MPDZ: variants seen among roughly 807,000 people sequenced by gnomAD.
MPDZ encodes the protein multiple PDZ domain protein.
Under a neutral mutation model 239.1 loss-of-function variants are expected in MPDZ, and 234 were observed. The ratio of observed to expected loss-of-function variants is 0.98; its 90% confidence interval spans 0.88 to 1.09. The LOEUF (loss-of-function observed/expected upper bound fraction) is 1.09. MPDZ is among the 50% of genes least tolerant of loss of function. MPDZ has a pLI of 0.00. For missense variants in MPDZ, 3,175 were observed against 2,510.0 expected, an observed-to-expected ratio of 1.26 and a Z score of -5.66; for synonymous variants, 1,048 against 881.3, an observed-to-expected ratio of 1.19 and a Z score of -3.35.
chr9:13,206,040 A>C lies in MPDZ; in HGVS notation c.1350T>G (p.His450Gln). The C allele has an allele frequency of 1.2e-6, 2 of 1,612,490 alleles. No homozygotes were observed. The highest frequency in any genetic ancestry group is 2.7e-5 in the African/African-American group (2 of 74,684). Residue 450 changes from histidine to glutamine, a missense_variant, in exon 11 of 47, where the codon CAT becomes CAG. Physicochemically the swap from His to Gln is conservative, Grantham distance 24 (BLOSUM62 0). Coordinates refer to ENST00000319217, the MANE Select transcript of MPDZ (RefSeq NM_001378778.1). ...TNQQAVEVLRHTGQTVLLTLM... is the reference protein window; with the variant it reads ...TNQQAVEVLRQTGQTVLLTLM... ...GTGTCAGGAGCACAGTTTGTCCTGT[A>C]TGTCGCAATACCTCTACTGCTTGCT...
Position 13,221,354 on chromosome 9 carries a change from T to C in MPDZ, c.876+18A>G. Reference sequence around the variant, plus strand: ...TTATTTGATAAAATAGCATAAAAGATCTATTGATGTAGCCTACCTGATCAG... The same window carrying C: ...TTATTTGATAAAATAGCATAAAAGACCTATTGATGTAGCCTACCTGATCAG... On this transcript the variant is annotated intron_variant, in intron 7 of 46. Transcript: ENST00000319217. 6.3e-7 allele frequency: 1 copy of C among 1,583,004 alleles called. No individual in the cohort carries two copies. The highest frequency in any genetic ancestry group is 8.6e-7 in the Non-Finnish European group (1 of 1,165,244).
At chr9:13,207,712 T>G (rs915345970) in intron 10 of MPDZ, among the ~76,000 whole-genome samples, 1 of 152,224 alleles carries the variant, frequency 6.6e-6, no homozygotes, top group South Asian at 2.1e-4. Context: ...ATTATGCAGT[T>G]TATGACTATA....
chr9:13,163,484 T>C (rs1256746218), intron 22 of MPDZ, among the ~76,000 whole-genome samples: 2 of 152,194 alleles, frequency 1.3e-5, no homozygotes, highest in Admixed American at 6.6e-5. Flanking sequence ...ATGCCTATTA[T>C]GCGGAAGACA....
intron 24 of MPDZ, among the ~76,000 whole-genome samples, chr9:13,151,959 C>CT (rs766698488): frequency 1.3e-5 from 2 of 151,988 alleles, no homozygotes; most frequent in East Asian, 3.9e-4. Context: ...TAATGTATTT[C>CT]TGAAAATGAT....
intron 1 of MPDZ, among the ~76,000 whole-genome samples, chr9:13,267,398 T>C (rs1447879850): frequency 6.6e-6 from 1 of 152,138 alleles, no homozygotes; most frequent in Non-Finnish European, 1.5e-5. Flanking sequence ...ACAAGAAAAT[T>C]GAGGTTCAGA....
In MPDZ at chr9:13,136,262, T is replaced by TA. The variant is rs1232162346; in HGVS notation, c.4293-81dup. 3.4e-6 allele frequency: 3 copies of TA among 876,626 alleles called. No individual in the cohort carries two copies. The Admixed American group carries it at 8.4e-5, about 25-fold the overall frequency. 54.3% of individuals were successfully genotyped at this position (876,626 alleles called of 1,614,324 possible). A position where few individuals can be genotyped will look rare whatever the true frequency, so the allele number is the denominator to read the frequency against. On this transcript the variant is annotated intron_variant, in intron 30 of 46. Transcript: ENST00000319217. ...CTTACTTCAAGAGTCAGAAGGTTAT[T>TA]AGAGAAAATTATTTAACCCCCAAAA...
intron 38 of MPDZ, chr9:13,120,786 A>C (rs1171412493): frequency 6.6e-6 from 1 of 152,204 alleles, no homozygotes; most frequent in East Asian, 1.9e-4. Flanking sequence ...TGAAATAAAG[A>C]TCACCATTTC....
At chr9:13,268,122 A>T (rs1972162885) in intron 1 of MPDZ, among the ~76,000 whole-genome samples, 1 of 151,426 alleles carries the variant, frequency 6.6e-6, no homozygotes, top group South Asian at 2.1e-4. Flanking sequence ...ATCATGTTTC[A>T]ATTTTAAAAA....
chr9:13,208,495 A>C (rs577007820), intron 10 of MPDZ, among the ~76,000 whole-genome samples: 24 of 151,744 alleles, frequency 1.6e-4, no homozygotes, highest in Non-Finnish European at 3.5e-4. Flanking sequence ...AGTTGTCTCC[A>C]AGATGGAGTA....
chr9:13,177,387 TA>T, intron 19 of MPDZ, among the ~76,000 whole-genome samples: 1 of 152,270 alleles, frequency 6.6e-6, no homozygotes, highest in East Asian at 1.9e-4. Flanking sequence ...GCTTCCCCAG[TA>T]AAAATGGCTA....
chr9:13,219,801 T>C (rs544675577), intron 7 of MPDZ, 33 bp from the exon 8 acceptor site: 1 of 1,593,068 alleles, frequency 6.3e-7, no homozygotes, highest in African/African-American at 1.3e-5. Flanking sequence ...ATTAGACTAT[T>C]ATTATTTTAA....
intron 28 of MPDZ, among the ~76,000 whole-genome samples, chr9:13,139,204 C>A (rs1025520433): frequency 1.1e-4 from 16 of 152,164 alleles, no homozygotes; most frequent in African/African-American, 3.9e-4. Flanking sequence ...AATACAGCAG[C>A]ACAACTTTTA....
chr9:13,158,543 A>T (rs938023327), intron 23 of MPDZ, among the ~76,000 whole-genome samples: 6 of 152,160 alleles, frequency 3.9e-5, no homozygotes, highest in African/African-American at 1.4e-4. Context: ...ATGAATTTCT[A>T]ATCAAGTTTG....
At chr9:13,136,224 T>G (rs1206135198) in intron 30 of MPDZ, 42 bp from the exon 31 acceptor site, 5 of 1,346,680 alleles carry the variant, frequency 3.7e-6, no homozygotes, top group Non-Finnish European at 5.2e-6. Flanking sequence ...CATCATGGTA[T>G]TATTTTCATT....
chr9:13,145,607 C>G (rs1948326302), intron 26 of MPDZ, among the ~76,000 whole-genome samples: 1 of 151,980 alleles, frequency 6.6e-6, no homozygotes, highest in African/African-American at 2.4e-5. Context: ...ATCATTGAAA[C>G]AAAACATATC....
At position 13,224,534 on chromosome 9, in the gene MPDZ, G is replaced by C; in HGVS notation, c.233C>G (p.Pro78Arg). ...ATSNIEYAHV[P>R]HLSPAVIPTL... is the part of the protein sequence containing the mutation. ...AGGAATCACAGCTGGGCTGAGATGA[G>C]GAACGTGGGCATATTCAATATTTGA... Residue 78 changes from proline to arginine, a missense_variant, in exon 4 of 47, where the codon CCT (proline) becomes CGT (arginine). Physicochemically the swap from Pro to Arg is moderately radical, Grantham distance 103. Transcript: ENST00000319217. The C allele has an allele frequency of 6.2e-7, 1 of 1,612,498 alleles. No individual in the cohort carries two copies. Among genetic ancestry groups the C allele is most frequent in the Non-Finnish European group, 8.5e-7 (1 of 1,179,102 alleles).
intron 12 of MPDZ, among the ~76,000 whole-genome samples, chr9:13,200,608 C>T (rs2135459823): frequency 6.6e-6 from 1 of 152,070 alleles, no homozygotes; most frequent in East Asian, 1.9e-4. Context: ...GTTTGGTATG[C>T]TGTGTTCCCA....
chr9:13,112,954 A>C, intron 42 of MPDZ, 57 bp downstream of exon 42: 1 of 1,442,574 alleles, frequency 6.9e-7, no homozygotes, highest in Non-Finnish European at 9.5e-7. Flanking sequence ...AAGAAAACAC[A>C]TATGAAGATG....
intron 29 of MPDZ, among the ~76,000 whole-genome samples, chr9:13,137,728 A>G (rs894472659): frequency 2.6e-5 from 4 of 152,070 alleles, no homozygotes; most frequent in Admixed American, 2.0e-4. Flanking sequence ...TGGGGCAAAA[A>G]TTGTTTCTGG....
Sources: allele counts gnomAD v4.1 joint callset (sites outside exome capture counted in the v4.1 genomes callset), GRCh38; gene constraint gnomAD v4.1.1; transcripts MANE v1.5; gene names NCBI Gene and HGNC (gene_info 2026-07-23, HGNC 2026-07-21).